The following ACAP2 variants were observed in gnomAD, a reference collection of about 807,000 sequenced individuals.
The protein encoded by ACAP2 is arf-GAP with coiled-coil, ANK repeat and PH domain-containing protein 2.
ACAP2 carries 39 observed loss-of-function variants against 115.8 expected under a neutral mutation model. That is an observed-to-expected ratio of 0.34 (90% CI 0.26 to 0.44). The LOEUF (loss-of-function observed/expected upper bound fraction) is 0.44, where lower values mean the gene tolerates loss of function less well. ACAP2 is among the 20% of genes least tolerant of loss of function. ACAP2 has a pLI of 1.00. For synonymous variants in ACAP2, 289 were observed against 315.8 expected (o/e 0.92, Z 0.90); for missense variants, 662 against 927.6 (o/e 0.71, Z 3.72).
intron 2 of ACAP2, among the ~76,000 whole-genome samples, chr3:195,385,989 C>T (rs897422900): frequency 3.3e-5 from 5 of 152,292 alleles, no homozygotes; most frequent in African/African-American, 1.2e-4. Context: ...AGGGAAACAA[C>T]TCAAATGTCC....
intron 9 of ACAP2, among the ~76,000 whole-genome samples, chr3:195,324,637 C>T (rs1460579158): frequency 6.6e-6 from 1 of 151,946 alleles, no homozygotes; most frequent in Non-Finnish European, 1.5e-5. Context: ...AGCTGTAATC[C>T]CAGCTACTTG....
chr3:195,391,612 T>C (rs1734682992), intron 2 of ACAP2, among the ~76,000 whole-genome samples: 1 of 152,168 alleles, frequency 6.6e-6, no homozygotes, highest in Non-Finnish European at 1.5e-5. Flanking sequence ...GCACTTAGAT[T>C]AGACTTTACA....
At chr3:195,411,195 G>A (rs1713232178) in intron 1 of ACAP2, among the ~76,000 whole-genome samples, 1 of 152,116 alleles carries the variant, frequency 6.6e-6, no homozygotes, top group Non-Finnish European at 1.5e-5. Flanking sequence ...ATGTAAAATG[G>A]TACCACTATT....
At position 195,307,327 on chromosome 3, in the gene ACAP2, TA is replaced by T; in HGVS notation, c.910-5del. The T allele has an allele frequency of 6.3e-7, 1 of 1,591,296 alleles. No homozygotes were observed. The highest frequency in any genetic ancestry group is 8.6e-7 in the Non-Finnish European group (1 of 1,167,948). On this transcript the variant is annotated splice_region_variant and splice_polypyrimidine_tract_variant and intron_variant, in intron 11 of 22. Transcript: ENST00000326793. ...CAACTACCACAGTCGGATTATCCTA[TA>T]GTGAGGAAACCAAATTTCCATATTT... is the stretch of plus-strand genomic sequence containing the variant.
intron 4 of ACAP2, among the ~76,000 whole-genome samples, chr3:195,365,240 T>A (rs539374788): frequency 1.3e-5 from 2 of 152,244 alleles, no homozygotes; most frequent in Admixed American, 1.3e-4. Context: ...TAGTCAAAAA[T>A]AATTTAACTG....
At chr3:195,357,374 C>T (rs1024537420) in intron 4 of ACAP2, among the ~76,000 whole-genome samples, 2 of 152,072 alleles carry the variant, frequency 1.3e-5, no homozygotes, top group African/African-American at 4.8e-5. Context: ...TGAACCTGTC[C>T]GGAGCCTGGA....
chr3:195,356,255 C>T (rs573382743), intron 4 of ACAP2: 2 of 453,236 alleles, frequency 4.4e-6, no homozygotes, highest in African/African-American at 2.0e-5. Flanking sequence ...CCCGGCAGAA[C>T]TCAGCCAATG....
At chr3:195,441,641 G>A (rs1716000534) in intron 1 of ACAP2, among the ~76,000 whole-genome samples, 1 of 152,176 alleles carries the variant, frequency 6.6e-6, no homozygotes, top group Non-Finnish European at 1.5e-5. Flanking sequence ...TACAATCCAG[G>A]CTTGGCCCAG....
At chr3:195,407,675 C>A (rs1191820905) in intron 1 of ACAP2, among the ~76,000 whole-genome samples, 2 of 152,026 alleles carry the variant, frequency 1.3e-5, no homozygotes, top group Non-Finnish European at 1.5e-5. Context: ...CCTGCCTGGG[C>A]AACAGAGTAA....
intron 10 of ACAP2, 37 bp from the exon 11 acceptor site, chr3:195,308,874 ATAATT>A (rs1728580861): frequency 6.5e-7 from 1 of 1,527,472 alleles, no homozygotes; most frequent in Non-Finnish European, 9.0e-7. Flanking sequence ...TTTCATAAAC[ATAATT>A]TATTTCCATT....
rs745612303 is a variant in ACAP2 at position 195,333,012 on chromosome 3, T to C, written c.669+16A>G. ...CAATGTATAAAACAGAATCAAGAAATATACTGCAACATTACCTGTGCACCA... is the reference window on the plus strand; with the variant it reads ...CAATGTATAAAACAGAATCAAGAAACATACTGCAACATTACCTGTGCACCA... On this transcript the variant is annotated intron_variant, in intron 8 of 22. Transcript: ENST00000326793. The C allele has an allele frequency of 6.4e-7, 1 of 1,551,232 alleles. No homozygotes were observed. Among genetic ancestry groups the C allele is most frequent in the Non-Finnish European group, 8.8e-7 (1 of 1,132,818 alleles).
At chr3:195,419,451 T>G (rs1350199608) in intron 1 of ACAP2, 3 of 152,196 alleles carry the variant, frequency 2.0e-5, no homozygotes, top group African/African-American at 7.2e-5. Context: ...ACTAGTTAAA[T>G]GCAGTAGTGA....
At chr3:195,433,620 A>C (rs1715309010) in intron 1 of ACAP2, among the ~76,000 whole-genome samples, 1 of 152,042 alleles carries the variant, frequency 6.6e-6, no homozygotes, top group South Asian at 2.1e-4. Flanking sequence ...AAGTTAGGAA[A>C]TTTTCTATTT....
intron 4 of ACAP2, among the ~76,000 whole-genome samples, chr3:195,373,794 G>A (rs1359316007): frequency 1.3e-5 from 2 of 151,774 alleles, no homozygotes; most frequent in Non-Finnish European, 1.5e-5. Flanking sequence ...GCCAGGTGGT[G>A]GACACCTATA....
chr3:195,442,171 G>C (rs1421723744), intron 1 of ACAP2: 1 of 152,696 alleles, frequency 6.5e-6, no homozygotes, highest in Non-Finnish European at 1.5e-5. Flanking sequence ...CACGGAATGC[G>C]GTTGATCACA....
intron 15 of ACAP2, among the ~76,000 whole-genome samples, chr3:195,299,415 C>CAAAA (rs66689467): frequency 0.022 from 2,887 of 133,692 alleles, 91 homozygotes; most frequent in East Asian, 0.11. Context: ...ACAAAAAATA[C>CAAAA]AAAAAAAAAA....
At chr3:195,438,359 T>G (rs1228968634) in intron 1 of ACAP2, among the ~76,000 whole-genome samples, 1 of 151,260 alleles carries the variant, frequency 6.6e-6, no homozygotes, top group Non-Finnish European at 1.5e-5. Context: ...ATAATAAAAT[T>G]ACTTTATAAT....
intron 4 of ACAP2, among the ~76,000 whole-genome samples, chr3:195,379,553 G>A (rs1733808684): frequency 6.6e-6 from 1 of 152,190 alleles, no homozygotes; most frequent in South Asian, 2.1e-4. Context: ...CAGTGCTTTG[G>A]AGGCTGAGGC....
At chr3:195,415,620 G>GT (rs1713657151) in intron 1 of ACAP2, among the ~76,000 whole-genome samples, 1 of 152,106 alleles carries the variant, frequency 6.6e-6, no homozygotes, top group Non-Finnish European at 1.5e-5. Flanking sequence ...GCCAAAAAAG[G>GT]TAAGTTCTTT....
Sources: allele counts gnomAD v4.1 joint callset (sites outside exome capture counted in the v4.1 genomes callset), GRCh38; gene constraint gnomAD v4.1.1; transcripts MANE v1.5; gene names NCBI Gene and HGNC (gene_info 2026-07-23, HGNC 2026-07-21).